Variants in ADIPOR2 observed in about 807,000 individuals in gnomAD.
The protein encoded by ADIPOR2 is adiponectin receptor protein 2.
ADIPOR2 carries 18 observed loss-of-function variants against 40.9 expected under a neutral mutation model. That is an observed-to-expected ratio of 0.44 (90% confidence interval 0.30 to 0.65). The LOEUF (loss-of-function observed/expected upper bound fraction) is 0.65. Ranked by LOEUF, ADIPOR2 falls within the 30% of genes least tolerant of loss-of-function variation. ADIPOR2 has a pLI of 0.09. For synonymous variants in ADIPOR2, 165 were observed against 166.4 expected, an observed-to-expected ratio of 0.99 and a Z score of 0.06; for missense variants, 283 against 479.2, an observed-to-expected ratio of 0.59 and a Z score of 3.82.
chr12:1,753,463 T>C (rs1465046240), intron 1 of ADIPOR2, among the ~76,000 whole-genome samples: 1 of 152,224 alleles, frequency 6.6e-6, no homozygotes, highest in Non-Finnish European at 1.5e-5. Flanking sequence ...CATTAAACAT[T>C]TGTGTGCGTA....
intron 1 of ADIPOR2, among the ~76,000 whole-genome samples, chr12:1,710,353 C>T (rs1268605538): frequency 6.6e-6 from 1 of 152,174 alleles, no homozygotes; most frequent in East Asian, 1.9e-4. Context: ...CTGTAACACT[C>T]ACCGTGAAGG....
At chr12:1,772,287 G>A (rs1398942241) in intron 2 of ADIPOR2, among the ~76,000 whole-genome samples, 1 of 152,142 alleles carries the variant, frequency 6.6e-6, no homozygotes, top group Admixed American at 6.5e-5. Context: ...TTTGCCTAAT[G>A]CTCTTATATG....
chr12:1,782,976 C>CTTTTTTTTTTTTTTTTTTTTTTTTT (rs71055199), intron 6 of ADIPOR2, among the ~76,000 whole-genome samples: 4 of 109,754 alleles, frequency 3.6e-5, no homozygotes, highest in African/African-American at 1.1e-4. Context: ...TTCTTTCTTT[C>CTTTTTTTTTTTTTTTTTTTTTTTTT]TTTTTTTTTT....
At chr12:1,768,685 G>C (rs1862433625) in intron 2 of ADIPOR2, among the ~76,000 whole-genome samples, 1 of 152,122 alleles carries the variant, frequency 6.6e-6, no homozygotes, top group Non-Finnish European at 1.5e-5. Context: ...ATGGTTCTCT[G>C]TCTTTCCAAA....
At chr12:1,772,357 C>A (rs1862507452) in intron 2 of ADIPOR2, among the ~76,000 whole-genome samples, 1 of 152,072 alleles carries the variant, frequency 6.6e-6, no homozygotes, top group South Asian at 2.1e-4. Flanking sequence ...GTTAGATGAC[C>A]TATATATAAA....
intron 1 of ADIPOR2, among the ~76,000 whole-genome samples, chr12:1,739,698 C>CT (rs1463297214): frequency 3.9e-5 from 6 of 152,138 alleles, no homozygotes; most frequent in African/African-American, 1.4e-4. Context: ...ATAATCTGGC[C>CT]TTTTATTATA....
At chr12:1,767,358 C>T (rs1260732471) in intron 2 of ADIPOR2, among the ~76,000 whole-genome samples, 1 of 150,042 alleles carries the variant, frequency 6.7e-6, no homozygotes, top group African/African-American at 2.4e-5. Flanking sequence ...TTCCATTAAG[C>T]TTTGATGGAA....
chr12:1,697,650 CAAA>C (rs1374538307), intron 1 of ADIPOR2: 2 of 152,354 alleles, frequency 1.3e-5, no homozygotes, highest in East Asian at 3.8e-4. Context: ...TGTAAAGTCT[CAAA>C]AGCTTATTAT....
At chr12:1,744,984 AT>A (rs1178051142) in intron 1 of ADIPOR2, among the ~76,000 whole-genome samples, 3 of 151,630 alleles carry the variant, frequency 2.0e-5, no homozygotes, top group South Asian at 2.1e-4. Flanking sequence ...TGCCCTTTAA[AT>A]TTTTTTTTAA....
chr12:1,747,212 C>T (rs893090223), intron 1 of ADIPOR2, among the ~76,000 whole-genome samples: 3 of 152,084 alleles, frequency 2.0e-5, no homozygotes, highest in South Asian at 2.1e-4. Flanking sequence ...TATACTATGC[C>T]ATAAAATTAG....
rs761818157 is a variant in ADIPOR2, at chr12:1,780,981, T to A, written c.743T>A (p.Ile248Asn). 2 of 1,613,978 alleles carry A rather than the reference T, an allele frequency of 1.2e-6. No homozygotes were observed. Among genetic ancestry groups the A allele is most frequent in the Non-Finnish European group, 1.7e-6 (2 of 1,179,918 alleles). The change falls in exon 6 of 8, where the codon ATC becomes AAC. Residue 248 changes from isoleucine to asparagine, a missense_variant. Physicochemically the swap from Ile to Asn is moderately radical, Grantham distance 149. This residue lies in a region of ADIPOR2 where 112 missense variants were observed against 249.5 expected (regional missense o/e 0.45). Transcript: ENST00000357103. ...TACTGTAATCCACAACCTTGCTTCA[T>A]CTACTTGATTGTCATCTGTGTGCTG... ...SFYCNPQPCF[I>N]YLIVICVLGI...
chr12:1,727,379 A>T (rs1474399114), intron 1 of ADIPOR2, among the ~76,000 whole-genome samples: 2 of 152,244 alleles, frequency 1.3e-5, no homozygotes, highest in African/African-American at 4.8e-5. Context: ...CATACTTTTT[A>T]AAGAGAAATG....
At chr12:1,703,323 A>G (rs1053886733) in intron 1 of ADIPOR2, among the ~76,000 whole-genome samples, 2 of 152,236 alleles carry the variant, frequency 1.3e-5, no homozygotes, top group Non-Finnish European at 2.9e-5. Flanking sequence ...GATATATGCA[A>G]TCTATATATG....
chr12:1,726,075 C>T (rs1317650490), intron 1 of ADIPOR2, among the ~76,000 whole-genome samples: 1 of 152,166 alleles, frequency 6.6e-6, no homozygotes, highest in Non-Finnish European at 1.5e-5. Context: ...TTAAGTTTAA[C>T]AATTTCTTCA....
chr12:1,708,723 CT>C (rs1266225378), intron 1 of ADIPOR2, among the ~76,000 whole-genome samples: 1,545 of 142,774 alleles, frequency 0.011, 8 homozygotes, highest in Middle Eastern at 0.029. Context: ...TATACCTATA[CT>C]TTTTTTTTTT....
chr12:1,741,453 G>A (rs149359333), intron 1 of ADIPOR2, among the ~76,000 whole-genome samples: 107 of 152,130 alleles, frequency 7.0e-4, no homozygotes, highest in Middle Eastern at 3.4e-3. Flanking sequence ...GAAGAGGGAG[G>A]AATATCTTTG....
intron 1 of ADIPOR2, among the ~76,000 whole-genome samples, chr12:1,718,134 T>C (rs1180949748): frequency 2.6e-5 from 4 of 152,218 alleles, no homozygotes; most frequent in Non-Finnish European, 5.9e-5. Context: ...ATGTTTCTGA[T>C]GTTGAATGAT....
At chr12:1,757,218 C>A in intron 2 of ADIPOR2, 1 of 496,414 alleles carries the variant, frequency 2.0e-6, no homozygotes, top group Non-Finnish European at 3.7e-6. Flanking sequence ...TAACATGTCA[C>A]CCAGGGACCA....
intron 1 of ADIPOR2, among the ~76,000 whole-genome samples, chr12:1,693,731 GT>G (rs1286293136): frequency 1.3e-5 from 2 of 152,034 alleles, no homozygotes; most frequent in Non-Finnish European, 2.9e-5. Flanking sequence ...TAGAGACGGG[GT>G]TTCACCATGT....
Sources: allele counts gnomAD v4.1 joint callset (sites outside exome capture counted in the v4.1 genomes callset), GRCh38; gene constraint gnomAD v4.1.1; regional missense constraint gnomAD v4.1.1; transcripts MANE v1.5; gene names NCBI Gene and HGNC (gene_info 2026-07-23, HGNC 2026-07-21).